ECHDC1: variants seen among roughly 807,000 people sequenced by gnomAD.
ECHDC1 encodes the protein ethylmalonyl-CoA decarboxylase 1.
ECHDC1 carries 29 observed loss-of-function variants against 29.7 expected under a neutral mutation model. That is an observed-to-expected ratio of 0.98 (90% CI 0.73 to 1.33). ECHDC1 has a LOEUF of 1.33. Among genes scored for constraint, ECHDC1 ranks in the 40% most tolerant of loss-of-function variants. The pLI, the probability that ECHDC1 is intolerant of heterozygous loss-of-function variation, is 0.00. For missense variants in ECHDC1, 328 were observed against 350.0 expected, an observed-to-expected ratio of 0.94 and a Z score of 0.50; for synonymous variants, 126 against 123.1, an observed-to-expected ratio of 1.02 and a Z score of -0.15.
At chr6:127,318,701 C>G (rs1218778899) in intron 3 of ECHDC1, among the ~76,000 whole-genome samples, 1 of 152,214 alleles carries the variant, frequency 6.6e-6, no homozygotes, top group Non-Finnish European at 1.5e-5. Context: ...GACAGTATGC[C>G]TTCCCCCTCC....
At chr6:127,316,889 A>AT (rs200753627) in intron 3 of ECHDC1, among the ~76,000 whole-genome samples, 1 of 146,006 alleles carries the variant, frequency 6.8e-6, no homozygotes, top group African/African-American at 2.6e-5. Context: ...TTAAGCTTTG[A>AT]TTTTTAAAAA....
chr6:127,308,032 C>T (rs1781587894), intron 5 of ECHDC1, among the ~76,000 whole-genome samples: 1 of 152,030 alleles, frequency 6.6e-6, no homozygotes, highest in Non-Finnish European at 1.5e-5. Flanking sequence ...GCCCAGGATG[C>T]AATGGCTTCA....
chr6:127,289,742 TA>T lies in ECHDC1; in HGVS notation c.*126del, dbSNP rs1410693977. 10 of 978,312 alleles carry T rather than the reference TA, an allele frequency of 1.0e-5. No homozygotes were observed. The highest frequency in any genetic ancestry group is 1.3e-5 in the Non-Finnish European group (9 of 687,916). 60.6% of individuals were successfully genotyped at this position (978,312 alleles called of 1,614,324 possible). A position where few individuals can be genotyped will look rare whatever the true frequency, so the allele number is the denominator to read the frequency against. On this transcript the variant is annotated 3_prime_UTR_variant, in exon 6 of 6. Transcript: ENST00000454859. Reference sequence around the variant, plus strand: ...AAATGAGTTCAGATATTCAAATGATTAAAAGTAAGTCTGCATATTAATAGTA... The same window carrying T: ...AAATGAGTTCAGATATTCAAATGATTAAAGTAAGTCTGCATATTAATAGTA...
chr6:127,313,868 A>G (rs1381558158), intron 5 of ECHDC1, among the ~76,000 whole-genome samples: 1 of 152,236 alleles, frequency 6.6e-6, no homozygotes, highest in Non-Finnish European at 1.5e-5. Context: ...ACATTATGCT[A>G]AAACCTATAT....
intron 3 of ECHDC1, among the ~76,000 whole-genome samples, chr6:127,322,401 T>C (rs749621932): frequency 5.9e-5 from 9 of 152,176 alleles, no homozygotes; most frequent in Non-Finnish European, 1.2e-4. Context: ...CACATTTCCT[T>C]GATAAGACTG....
chr6:127,323,567 T>C (rs965072576), intron 3 of ECHDC1, among the ~76,000 whole-genome samples: 1 of 152,178 alleles, frequency 6.6e-6, no homozygotes, highest in African/African-American at 2.4e-5. Flanking sequence ...TCCTCATTTA[T>C]AGACTAGGAA....
At chr6:127,325,768 A>G (rs1347933350) in intron 3 of ECHDC1, among the ~76,000 whole-genome samples, 2 of 151,916 alleles carry the variant, frequency 1.3e-5, no homozygotes, top group Non-Finnish European at 2.9e-5. Flanking sequence ...TGACACCAAC[A>G]TGGCTCAATG....
At chr6:127,294,911 T>G (rs1780474930) in intron 5 of ECHDC1, among the ~76,000 whole-genome samples, 1 of 151,882 alleles carries the variant, frequency 6.6e-6, no homozygotes, top group Admixed American at 6.6e-5. Context: ...CATTTATTTG[T>G]GTGTGCAAGT....
In ECHDC1 at chr6:127,290,058, T is replaced by G; in HGVS notation, c.717A>C (p.Ala239=). The G allele has an allele frequency of 6.2e-6, 10 of 1,613,744 alleles. No homozygotes were observed. Among genetic ancestry groups the G allele is most frequent in the Non-Finnish European group, 8.5e-6 (10 of 1,179,766 alleles). ...SSDETKSLEE[A]QEWLKQFIQG... is the part of the protein sequence containing the mutation. ...GGATGAATTGCTTTAGCCATTCTTG[T>G]GCCTCTTCTAGAGATTTAGTTTCAT... The change falls in exon 6 of 6, where the codon GCA becomes GCC. Residue 239 remains alanine (A), a synonymous_variant. Coordinates refer to ENST00000454859, the MANE Select transcript of ECHDC1 (RefSeq NM_001002030.2).
chr6:127,303,183 C>T (rs1781185069), intron 5 of ECHDC1, among the ~76,000 whole-genome samples: 1 of 151,830 alleles, frequency 6.6e-6, no homozygotes, highest in African/African-American at 2.4e-5. Flanking sequence ...CATACTGAAA[C>T]TTTTCTCATT....
intron 5 of ECHDC1, among the ~76,000 whole-genome samples, chr6:127,310,524 A>C (rs1781817331): frequency 6.6e-6 from 1 of 152,198 alleles, no homozygotes; most frequent in Non-Finnish European, 1.5e-5. Context: ...TGGAATTAGA[A>C]GTAGAACCTG....
chr6:127,292,414 A>G (rs897396070), intron 5 of ECHDC1, among the ~76,000 whole-genome samples: 2 of 152,046 alleles, frequency 1.3e-5, no homozygotes, highest in Non-Finnish European at 2.9e-5. Context: ...TACAACTCCA[A>G]CAAATCTTGA....
intron 1 of ECHDC1, among the ~76,000 whole-genome samples, chr6:127,335,067 C>A (rs1482462260): frequency 6.6e-6 from 1 of 152,020 alleles, no homozygotes; most frequent in East Asian, 1.9e-4. Context: ...ATGCCACAAA[C>A]TTGTTTTATA....
intron 1 of ECHDC1, chr6:127,342,327 C>A: frequency 6.5e-7 from 1 of 1,538,718 alleles, no homozygotes; most frequent in Non-Finnish European, 8.8e-7. Flanking sequence ...AACTCTCCAA[C>A]TACCCTGTTT....
chr6:127,295,452 C>G (rs1780522909), intron 5 of ECHDC1, among the ~76,000 whole-genome samples: 1 of 152,056 alleles, frequency 6.6e-6, no homozygotes, highest in Non-Finnish European at 1.5e-5. Flanking sequence ...GGTGTATAAA[C>G]AGCTCAATAT....
In ECHDC1 at chr6:127,290,092, T is replaced by A. The variant is rs1780002977; in HGVS notation, c.683A>T (p.Gln228Leu). The A allele has an allele frequency of 6.2e-7, 1 of 1,613,662 alleles. No homozygotes were observed. The highest frequency in any genetic ancestry group is 8.5e-7 in the Non-Finnish European group (1 of 1,179,784). The change falls in exon 6 of 6, where the codon CAG (glutamine) becomes CTG (leucine). Residue 228 changes from glutamine (Q) to leucine (L), a missense_variant. By Grantham distance (113) the Gln-to-Leu change is moderately radical. Coordinates refer to ENST00000454859, the MANE Select transcript of ECHDC1 (RefSeq NM_001002030.2). ...TAGAGATTTAGTTTCATCTGAAGAC[T>A]GCAAGACCTCTTCAACCATTCCTAT... ...LNIGMVEEVL[Q>L]SSDETKSLEE...
At chr6:127,308,350 A>G (rs1781616153) in intron 5 of ECHDC1, among the ~76,000 whole-genome samples, 1 of 152,206 alleles carries the variant, frequency 6.6e-6, no homozygotes, top group African/African-American at 2.4e-5. Context: ...AACATACACA[A>G]ATCAGTCAAT....
At position 127,290,255 on chromosome 6, in the gene ECHDC1, T is replaced by C; in HGVS notation, c.520A>G (p.Ile174Val). ...CCCATCTCTTTGTGGACGAATCTGA[T>C]CTTACTCTCTGGAGTCATTAACCTG... ...DFRLMTPESK[I>V]RFVHKEMGII... Residue 174 changes from isoleucine to valine, a missense_variant, in exon 6 of 6, where the codon ATC becomes GTC. By Grantham distance (29) the Ile-to-Val change is conservative. Transcript: ENST00000454859. The C allele has an allele frequency of 6.2e-7, 1 of 1,613,292 alleles. No individual in the cohort carries two copies. Among genetic ancestry groups the C allele is most frequent in the Non-Finnish European group, 8.5e-7 (1 of 1,179,552 alleles).
intron 5 of ECHDC1, among the ~76,000 whole-genome samples, chr6:127,306,518 G>A (rs1781452003): frequency 6.6e-6 from 1 of 152,114 alleles, no homozygotes; most frequent in Non-Finnish European, 1.5e-5. Flanking sequence ...GTTCTCATGA[G>A]ATTTTGTTTA....
Sources: allele counts gnomAD v4.1 joint callset (sites outside exome capture counted in the v4.1 genomes callset), GRCh38; gene constraint gnomAD v4.1.1; transcripts MANE v1.5; gene names NCBI Gene and HGNC (gene_info 2026-07-23, HGNC 2026-07-21).